C17orf58: variants seen among roughly 807,000 people sequenced by gnomAD.
C17orf58 encodes UPF0450 protein C17orf58.
C17orf58 carries 5 observed loss-of-function variants against 7.4 expected under a neutral mutation model. The observed-to-expected ratio is 0.67, with a 90% CI of 0.35 to 1.42. The LOEUF (loss-of-function observed/expected upper bound fraction) is 1.42. Ranked by LOEUF, C17orf58 falls within the 40% of genes most tolerant of loss-of-function variation. The pLI, the probability that C17orf58 is intolerant of heterozygous loss-of-function variation, is 0.04. For synonymous variants in C17orf58, 60 were observed against 70.6 expected (o/e 0.85, Z 0.75); for missense variants, 162 against 174.2 (o/e 0.93, Z 0.40).
Position 67,991,962 on chromosome 17 carries a change from C to T in C17orf58, c.971G>A (p.Arg324Gln), listed in dbSNP as rs542001619. 6.2e-6 allele frequency: 10 copies of T among 1,611,688 alleles called. No individual in the cohort carries two copies. Among genetic ancestry groups the T allele is most frequent in the Admixed American group, 5.0e-5 (3 of 59,568 alleles). The change falls in exon 4 of 4, where the codon CGA becomes CAA. Residue 324 changes from arginine to glutamine, a missense_variant. Coordinates refer to ENST00000580729, the MANE Select transcript of C17orf58 (RefSeq NM_001382359.1). ...SSSSYVKRFNRKREGQIQGAI... is the reference protein window; with the variant it reads ...SSSSYVKRFNQKREGQIQGAI... Reference sequence around the variant, plus strand: ...ACCTTGAATCTGCCCTTCCCTTTTTCGATTAAACCTTTTCACATAGCTGCT... The same window carrying T: ...ACCTTGAATCTGCCCTTCCCTTTTTTGATTAAACCTTTTCACATAGCTGCT...
chr17:67,992,883 G>T, intron 3 of C17orf58, 161 bp downstream of exon 3: 1 of 1,610,818 alleles, frequency 6.2e-7, no homozygotes, highest in South Asian at 1.1e-5. Context: ...TTAAATCACA[G>T]AGTGGCCGGA....
chr17:67,993,252 G>T lies in C17orf58; in HGVS notation c.638-17C>A. 1 of 1,469,138 alleles carries T rather than the reference G, an allele frequency of 6.8e-7. No homozygotes were observed. The highest frequency in any genetic ancestry group is 2.1e-5 in the Admixed American group (1 of 48,736). The allele number at this position is 1,469,138 out of a possible 1,614,324, so 91.0% of individuals were successfully genotyped here. A position where few individuals can be genotyped will look rare whatever the true frequency, so the allele number is the denominator to read the frequency against. On this transcript the variant is annotated splice_polypyrimidine_tract_variant and intron_variant, in intron 2 of 3. Coordinates refer to ENST00000580729, the MANE Select transcript of C17orf58 (RefSeq NM_001382359.1). This position sits in a 1 kb window ranked among gnomAD's most constrained non-coding sequence, Gnocchi z 5.1. Reference sequence around the variant, plus strand: ...CGTTCACCGCTGCTTCCGAAAAACAGTTTGGAGAAGAGCATTACCCCGAGT... The same window carrying T: ...CGTTCACCGCTGCTTCCGAAAAACATTTTGGAGAAGAGCATTACCCCGAGT...
Position 67,993,576 on chromosome 17 carries a change from G to A in C17orf58, c.485C>T (p.Ala162Val), listed in dbSNP as rs2070861545. ...HPNRPRAAAL[A>V]PGPAPAPPPR... ...CGGCGGCGCGGGCGCGGGTCCCGGGGCCAGCGCGGCGGCGCGCGGCCGGTT... is the reference window on the plus strand; with the variant it reads ...CGGCGGCGCGGGCGCGGGTCCCGGGACCAGCGCGGCGGCGCGCGGCCGGTT... Residue 162 changes from alanine to valine, a missense_variant, in exon 2 of 4, where the codon GCC becomes GTC. Transcript: ENST00000580729. The surrounding 1 kb of genome is among the most constrained non-coding windows in gnomAD (Gnocchi z 5.1). The A allele has an allele frequency of 2.5e-5, 5 of 198,840 alleles. No individual in the cohort carries two copies. The highest frequency in any genetic ancestry group is 5.0e-5 in the Non-Finnish European group (5 of 100,542). 12.3% of individuals were successfully genotyped at this position (198,840 alleles called of 1,614,324 possible).
At chr17:67,994,502 G>A (rs369390043) in intron 1 of C17orf58, among the ~76,000 whole-genome samples, 3 of 13,030 alleles carry the variant, frequency 2.3e-4, no homozygotes, top group South Asian at 5.8e-3. Context: ...GCGTGTGTGT[G>A]TGTGTGTGTG....
Position 67,996,103 on chromosome 17 carries a change from C to T in C17orf58, c.76+20G>A, listed in dbSNP as rs1168295764. 7.5e-6 allele frequency: 3 copies of T among 398,998 alleles called. No homozygotes were observed. Among genetic ancestry groups the T allele is most frequent in the East Asian group, 7.1e-5 (2 of 28,058 alleles). The allele number at this position is 398,998 out of a possible 1,614,324, so 24.7% of individuals were successfully genotyped here. A position where few individuals can be genotyped will look rare whatever the true frequency, so the allele number is the denominator to read the frequency against. On this transcript the variant is annotated intron_variant, in intron 1 of 3. Transcript: ENST00000580729. ...AGATCCCCGCTCCGCTCCCAGGGCC[C>T]CGCACTACACCAATCTTACTTTTTC...
In C17orf58 at chr17:67,992,060, C is replaced by T. The variant is rs2070838348; in HGVS notation, c.873G>A (p.Arg291=). ...IVMGHIYHKR[R]QLPTALLQVL... is the part of the protein sequence containing the mutation. ...CCTGGAGCAGAGCTGTAGGGAGCTG[C>T]CGTCTCTTATGGTAGATGTGGCCCA... The change falls in exon 4 of 4, where the codon CGG becomes CGA. Residue 291 remains arginine (R), a synonymous_variant. Transcript: ENST00000580729. 1.2e-6 allele frequency: 2 copies of T among 1,609,270 alleles called. No individual in the cohort carries two copies. Among genetic ancestry groups the T allele is most frequent in the African/African-American group, 1.3e-5 (1 of 74,936 alleles).
In C17orf58 at chr17:67,993,122, C is replaced by T. The variant is rs1555699428; in HGVS notation, c.751G>A (p.Asp251Asn). Residue 251 changes from aspartate to asparagine, a missense_variant, in exon 3 of 4, where the codon GAC (aspartate) becomes AAC (asparagine). Coordinates refer to ENST00000580729, the MANE Select transcript of C17orf58 (RefSeq NM_001382359.1). This position sits in a 1 kb window ranked among gnomAD's most constrained non-coding sequence, Gnocchi z 5.1. ...ATGTGGACTCGGAAGAAGAAGCCGT[C>T]GGGGGTGAGGTACAGGCGGTTCATC... Reference protein sequence around the residue: ...YKMNRLYLTPDGFFFRVHMLA... With the variant: ...YKMNRLYLTPNGFFFRVHMLA... The T allele has an allele frequency of 6.2e-7, 1 of 1,613,934 alleles. No individual in the cohort carries two copies. Among genetic ancestry groups the T allele is most frequent in the Admixed American group, 1.7e-5 (1 of 59,998 alleles).
Position 67,993,803 on chromosome 17 carries a change from G to C in C17orf58, c.258C>G (p.Asn86Lys), listed in dbSNP as rs2070865335. 2 of 255,486 alleles carry C rather than the reference G, an allele frequency of 7.8e-6. No homozygotes were observed. The highest frequency in any genetic ancestry group is 1.4e-5 in the Non-Finnish European group (2 of 139,262). The allele number at this position is 255,486 out of a possible 1,614,324, so 15.8% of individuals were successfully genotyped here. A position where few individuals can be genotyped will look rare whatever the true frequency, so the allele number is the denominator to read the frequency against. The change falls in exon 2 of 4, where the codon AAC becomes AAG. Residue 86 changes from asparagine (N) to lysine (K), a missense_variant. This residue lies in a region of C17orf58 where 93 missense variants were observed against 90.4 expected (regional missense o/e 1.03). Coordinates refer to ENST00000580729, the MANE Select transcript of C17orf58 (RefSeq NM_001382359.1). The surrounding 1 kb of genome is among the most constrained non-coding windows in gnomAD (Gnocchi z 5.1). ...GTGCGGCCTCCCGGAAGCTGGCCTGGTTGTCGGCCGGCGGTGGGGGCTTCC... is the reference window on the plus strand; with the variant it reads ...GTGCGGCCTCCCGGAAGCTGGCCTGCTTGTCGGCCGGCGGTGGGGGCTTCC... ...RRRKPPPPAD[N>K]QASFREAARA...
At chr17:67,994,514 G>GTATATATATATA (rs1555699612) in intron 1 of C17orf58, among the ~76,000 whole-genome samples, 17 of 87,194 alleles carry the variant, frequency 1.9e-4, no homozygotes, top group African/African-American at 4.1e-4. Flanking sequence ...GTGTGTGTGT[G>GTATATATATATA]TGTATATATA....
chr17:67,992,879 CA>C lies in C17orf58; in HGVS notation c.829+164del, dbSNP rs528575640. 1.1e-4 allele frequency: 169 copies of C among 1,609,242 alleles called. 3 individuals are homozygous for C. In the South Asian group the frequency reaches 1.7e-3, roughly 17 times the overall value. ...GGGTGGGGGCTGACAGGGCTTAAAT[CA>C]CAGAGTGGCCGGAATAATACCTGTC... is the stretch of plus-strand genomic sequence containing the variant. On this transcript the variant is annotated intron_variant, in intron 3 of 3. Transcript: ENST00000580729.
rs1474120378 is a variant in C17orf58 at position 67,994,367 on chromosome 17, T to G, written c.77-383A>C. On this transcript the variant is annotated intron_variant, in intron 1 of 3. Coordinates refer to ENST00000580729, the MANE Select transcript of C17orf58 (RefSeq NM_001382359.1). ...ATACGAGGGTCTTGACCTCTAAGAT[T>G]ATAGCTTTTAAAATTACAACCCCCT... Among the ~76,000 whole-genome samples the G allele has an allele frequency of 2.0e-5, 3 of 151,696 alleles. No homozygotes were observed. The East Asian group carries it at 5.8e-4, about 29-fold the overall frequency.
intron 1 of C17orf58, among the ~76,000 whole-genome samples, chr17:67,995,557 G>T (rs2070885072): frequency 6.6e-6 from 1 of 152,212 alleles, no homozygotes; most frequent in East Asian, 1.9e-4. Flanking sequence ...ATTTCTTCAC[G>T]GGCTGAGTAA....
intron 1 of C17orf58, among the ~76,000 whole-genome samples, chr17:67,994,516 G>GTGTGTGTGTGTGTATATA (rs1244199425): frequency 6.7e-5 from 6 of 89,544 alleles, no homozygotes; most frequent in African/African-American, 2.2e-4. Flanking sequence ...GTGTGTGTGT[G>GTGTGTGTGTGTGTATATA]TATATATATA....
chr17:67,993,577 C>T lies in C17orf58; in HGVS notation c.484G>A (p.Ala162Thr). 1 of 195,736 alleles carries T rather than the reference C, an allele frequency of 5.1e-6. No homozygotes were observed. The highest frequency in any genetic ancestry group is 1.2e-4 in the East Asian group (1 of 8,040). The allele number at this position is 195,736 out of a possible 1,614,324, so 12.1% of individuals were successfully genotyped here. A position where few individuals can be genotyped will look rare whatever the true frequency, so the allele number is the denominator to read the frequency against. ...HPNRPRAAAL[A>T]PGPAPAPPPR... ...GGCGGCGCGGGCGCGGGTCCCGGGG[C>T]CAGCGCGGCGGCGCGCGGCCGGTTG... The change falls in exon 2 of 4, where the codon GCC (alanine) becomes ACC (threonine). Residue 162 changes from alanine (A) to threonine (T), a missense_variant. Ala to Thr is a moderately conservative substitution (Grantham distance 58). Transcript: ENST00000580729. This position sits in a 1 kb window ranked among gnomAD's most constrained non-coding sequence, Gnocchi z 5.1.
chr17:67,994,171 G>A (rs1243469250), intron 1 of C17orf58, among the ~76,000 whole-genome samples, 187 bp from the exon 2 acceptor site: 2 of 151,868 alleles, frequency 1.3e-5, no homozygotes, highest in Admixed American at 1.3e-4. Flanking sequence ...CGCTGCAGAA[G>A]AAGGGCTCTG....
Position 67,993,175 on chromosome 17 carries a change from A to T in C17orf58, c.698T>A (p.Leu233Gln). 3.1e-6 allele frequency: 5 copies of T among 1,612,596 alleles called. No individual in the cohort carries two copies. The highest frequency in any genetic ancestry group is 4.2e-6 in the Non-Finnish European group (5 of 1,179,008). The change falls in exon 3 of 4, where the codon CTG becomes CAG. Residue 233 changes from leucine to glutamine, a missense_variant. By Grantham distance (113) the Leu-to-Gln change is moderately radical (BLOSUM62 -2). Coordinates refer to ENST00000580729, the MANE Select transcript of C17orf58 (RefSeq NM_001382359.1). The surrounding 1 kb of genome is among the most constrained non-coding windows in gnomAD (Gnocchi z 5.1). ...VLGAGIRLVTLLVDRDGLYKM... is the reference protein window; with the variant it reads ...VLGAGIRLVTQLVDRDGLYKM... Reference sequence around the variant, plus strand: ...GTACAGCCCGTCCCGATCCACCAGCAGGGTCACCAGCCGGATGCCCGCGCC... The same window carrying T: ...GTACAGCCCGTCCCGATCCACCAGCTGGGTCACCAGCCGGATGCCCGCGCC...
Position 67,993,994 on chromosome 17 carries a change from G to T in C17orf58, c.77-10C>A. The stretch of plus-strand genomic sequence containing the variant: ...CTGTGCGGCGGCGAGGCTGTGGGGA[G>T]AGAAGAGGAGAGGCGGGAAGGCGGT... On this transcript the variant is annotated splice_polypyrimidine_tract_variant and intron_variant, in intron 1 of 3. Coordinates refer to ENST00000580729, the MANE Select transcript of C17orf58 (RefSeq NM_001382359.1). This position sits in a 1 kb window ranked among gnomAD's most constrained non-coding sequence, Gnocchi z 5.1. 2.5e-6 allele frequency: 1 copy of T among 395,624 alleles called. No individual in the cohort carries two copies. The highest frequency in any genetic ancestry group is 4.4e-5 in the Admixed American group (1 of 22,588). 24.5% of individuals were successfully genotyped at this position (395,624 alleles called of 1,614,324 possible).
In C17orf58 at chr17:67,993,194, C is replaced by T. The variant is rs781968319; in HGVS notation, c.679G>A (p.Gly227Ser). The T allele has an allele frequency of 1.9e-6, 3 of 1,610,242 alleles. No individual in the cohort carries two copies. The highest frequency in any genetic ancestry group is 1.7e-5 in the Admixed American group (1 of 59,496). ...IVHDVDVLGA[G>S]IRLVTLLVDR... ...ACCAGCAGGGTCACCAGCCGGATGC[C>T]CGCGCCCAGCACGTCCACATCGTGC... The change falls in exon 3 of 4, where the codon GGC becomes AGC. Residue 227 changes from glycine (G) to serine (S), a missense_variant. Physicochemically the swap from Gly to Ser is moderately conservative, Grantham distance 56 (BLOSUM62 0). This residue lies in a region of C17orf58 where 93 missense variants were observed against 90.4 expected (regional missense o/e 1.03). Coordinates refer to ENST00000580729, the MANE Select transcript of C17orf58 (RefSeq NM_001382359.1). The surrounding 1 kb of genome is among the most constrained non-coding windows in gnomAD (Gnocchi z 5.1).
chr17:67,993,182 C>T lies in C17orf58; in HGVS notation c.691G>A (p.Val231Met), dbSNP rs782132500. Residue 231 changes from valine to methionine, a missense_variant, in exon 3 of 4, where the codon GTG (valine) becomes ATG (methionine). Val to Met is a conservative substitution (Grantham distance 21). Around this residue, in one of 3 missense-constraint regions of C17orf58, gnomAD observed 93 missense variants for 90.4 expected, o/e 1.03. Transcript: ENST00000580729. This position sits in a 1 kb window ranked among gnomAD's most constrained non-coding sequence, Gnocchi z 5.1. Reference sequence around the variant, plus strand: ...CCGTCCCGATCCACCAGCAGGGTCACCAGCCGGATGCCCGCGCCCAGCACG... The same window carrying T: ...CCGTCCCGATCCACCAGCAGGGTCATCAGCCGGATGCCCGCGCCCAGCACG... ...VDVLGAGIRL[V>M]TLLVDRDGLY... The T allele has an allele frequency of 6.2e-7, 1 of 1,611,916 alleles. No homozygotes were observed. Among genetic ancestry groups the T allele is most frequent in the East Asian group, 2.2e-5 (1 of 44,830 alleles).
Sources: allele counts gnomAD v4.1 joint callset (sites outside exome capture counted in the v4.1 genomes callset), GRCh38; gene constraint gnomAD v4.1.1; regional missense constraint gnomAD v4.1.1; non-coding constraint Gnocchi (gnomAD v3.1); transcripts MANE v1.5; gene names NCBI Gene and HGNC (gene_info 2026-07-23, HGNC 2026-07-21).